The following NFXL1 variants were observed in gnomAD, a reference collection of about 807,000 sequenced individuals.
The protein encoded by NFXL1 is nuclear transcription factor, X-box binding like 1.
NFXL1 carries 66 observed loss-of-function variants against 123.3 expected under a neutral mutation model. The observed-to-expected ratio is 0.54, with a 90% CI of 0.44 to 0.66. The LOEUF is 0.66. NFXL1 is among the 30% of genes least tolerant of loss of function. The pLI is 0.00. For missense variants in NFXL1, 944 were observed against 1,125.6 expected, an observed-to-expected ratio of 0.84 and a Z score of 2.31; for synonymous variants, 346 against 360.8, an observed-to-expected ratio of 0.96 and a Z score of 0.46.
intron 18 of NFXL1, among the ~76,000 whole-genome samples, chr4:47,865,996 C>G (rs1299798093): frequency 1.3e-5 from 2 of 151,576 alleles, no homozygotes; most frequent in Non-Finnish European, 2.9e-5. Flanking sequence ...GTCTGGGAGA[C>G]AGAGAGACAC....
chr4:47,900,306 T>C (rs1737305228), intron 5 of NFXL1, among the ~76,000 whole-genome samples: 2 of 152,156 alleles, frequency 1.3e-5, no homozygotes, highest in Admixed American at 6.5e-5. Flanking sequence ...GCCTCCTAGG[T>C]ACAAGAAATT....
At chr4:47,860,000 G>T (rs1411241735) in intron 19 of NFXL1, among the ~76,000 whole-genome samples, 1 of 151,946 alleles carries the variant, frequency 6.6e-6, no homozygotes, top group East Asian at 1.9e-4. Flanking sequence ...GGGATTGGGG[G>T]GATGTTAGTC....
intron 18 of NFXL1, among the ~76,000 whole-genome samples, chr4:47,867,905 A>T (rs1384413543): frequency 6.6e-6 from 1 of 152,250 alleles, no homozygotes; most frequent in Non-Finnish European, 1.5e-5. Context: ...CATTCAGGGA[A>T]TACTATACTC....
intron 15 of NFXL1, among the ~76,000 whole-genome samples, chr4:47,880,863 G>A (rs1260643175): frequency 1.4e-5 from 2 of 146,024 alleles, no homozygotes; most frequent in South Asian, 4.4e-4. Flanking sequence ...AACACTGCAT[G>A]TTAAATTAAA....
At chr4:47,898,108 T>C (rs368909052) in intron 8 of NFXL1, 27 bp from the exon 9 acceptor site, 21 of 1,407,428 alleles carry the variant, frequency 1.5e-5, no homozygotes, top group Non-Finnish European at 2.1e-5. Context: ...TAAACACTAA[T>C]GAAGGATTTA....
chr4:47,898,151 C>A, intron 8 of NFXL1, 70 bp from the exon 9 acceptor site: 1 of 889,778 alleles, frequency 1.1e-6, no homozygotes, highest in Admixed American at 2.8e-5. Context: ...ATACAAGACA[C>A]AATCCATTTT....
At chr4:47,860,164 C>CA (rs1247584281) in intron 19 of NFXL1, among the ~76,000 whole-genome samples, 23 of 152,078 alleles carry the variant, frequency 1.5e-4, no homozygotes, top group African/African-American at 5.1e-4. Flanking sequence ...TATATTAACT[C>CA]AACTTAGTCA....
rs527668064 is a variant in NFXL1 at position 47,850,392 on chromosome 4, C to T, written c.2562+703G>A. Among the ~76,000 whole-genome samples the T allele has an allele frequency of 2.3e-4, 35 of 152,172 alleles. No homozygotes were observed. The South Asian group carries it at 7.3e-3, about 32-fold the overall frequency. ...TCATGCAAATCACGCAAGTTTCAAT[C>T]TCATCATTCATAAAGGCAGTAGCTT... On this transcript the variant is annotated intron_variant, in intron 22 of 22. Transcript: ENST00000507489.
At chr4:47,861,904 A>G (rs181407077) in intron 19 of NFXL1, among the ~76,000 whole-genome samples, 4 of 152,362 alleles carry the variant, frequency 2.6e-5, no homozygotes, top group African/African-American at 7.2e-5. Context: ...AAGACTGATT[A>G]TGATATTTAA....
intron 8 of NFXL1, among the ~76,000 whole-genome samples, 161 bp from the exon 9 acceptor site, chr4:47,898,242 TATAG>T (rs998194868): frequency 1.3e-5 from 2 of 152,172 alleles, no homozygotes; most frequent in Non-Finnish European, 2.9e-5. Context: ...CATATGTATA[TATAG>T]ATACATATAT....
Position 47,884,410 on chromosome 4 carries a change from G to A in NFXL1, c.1852C>T (p.Pro618Ser). ...RHQPTGPWEQ[P>S]SEPAFIQTAL... The stretch of plus-strand genomic sequence containing the variant: ...GTCTGAATAAATGCTGGCTCAGAAG[G>A]CTGTTCCCAAGGGCCTGTAGGCTGG... Residue 618 changes from proline to serine, a missense_variant, in exon 15 of 23, where the codon CCT becomes TCT. This residue lies in a region of NFXL1 where 44 missense variants were observed against 90.4 expected (regional missense o/e 0.49). Transcript: ENST00000507489. 6.2e-7 allele frequency: 1 copy of A among 1,611,322 alleles called. No homozygotes were observed. The highest frequency in any genetic ancestry group is 8.5e-7 in the Non-Finnish European group (1 of 1,177,820).
chr4:47,899,431 T>C lies in NFXL1; in HGVS notation c.765A>G (p.Gln255=). 1 of 1,614,000 alleles carries C rather than the reference T, an allele frequency of 6.2e-7. No individual in the cohort carries two copies. The highest frequency in any genetic ancestry group is 8.5e-7 in the Non-Finnish European group (1 of 1,179,890). ...GAGGTTTAAATTCACGCTCACATAC[T>C]TGGCCACATGAATGAGGCACAAGCC... is the stretch of plus-strand genomic sequence containing the variant. ...DPWLVPHSCG[Q]VCEREFKPPC... Residue 255 remains glutamine (Q), a synonymous_variant, in exon 6 of 23, where the codon CAA becomes CAG. Coordinates refer to ENST00000507489, the MANE Select transcript of NFXL1 (RefSeq NM_001278624.2).
At chr4:47,873,576 G>C (rs1735571344) in intron 18 of NFXL1, among the ~76,000 whole-genome samples, 2 of 152,152 alleles carry the variant, frequency 1.3e-5, no homozygotes, top group Admixed American at 6.5e-5. Flanking sequence ...TGATCAGTAG[G>C]TCTCAACAGT....
intron 5 of NFXL1, among the ~76,000 whole-genome samples, chr4:47,899,772 C>T (rs1737281574): frequency 6.6e-6 from 1 of 152,232 alleles, no homozygotes; most frequent in Non-Finnish European, 1.5e-5. Context: ...CAGTTTTATA[C>T]TGGGATTGTC....
At chr4:47,890,756 T>C in intron 11 of NFXL1, 53 bp from the exon 12 acceptor site, 12 of 969,996 alleles carry the variant, frequency 1.2e-5, no homozygotes, top group South Asian at 6.7e-5. Context: ...CCATGAATAA[T>C]AGGCATGTCA....
intron 18 of NFXL1, among the ~76,000 whole-genome samples, chr4:47,865,595 G>A (rs1735013851): frequency 6.6e-6 from 1 of 151,764 alleles, no homozygotes; most frequent in South Asian, 2.1e-4. Flanking sequence ...AAACAGAAGA[G>A]GAGGCTGAGC....
chr4:47,853,152 T>C (rs1734219862), intron 20 of NFXL1, among the ~76,000 whole-genome samples: 1 of 152,052 alleles, frequency 6.6e-6, no homozygotes, highest in African/African-American at 2.4e-5. Flanking sequence ...CTTTTCTCAT[T>C]CAGAGGATAC....
intron 3 of NFXL1, among the ~76,000 whole-genome samples, chr4:47,910,482 C>G (rs1026365849): frequency 3.3e-5 from 5 of 152,138 alleles, no homozygotes; most frequent in African/African-American, 1.2e-4. Flanking sequence ...ACAAAGTACT[C>G]TAGTTCAATC....
intron 17 of NFXL1, chr4:47,877,333 T>C (rs138072362): frequency 1.7e-5 from 6 of 353,314 alleles, no homozygotes; most frequent in Non-Finnish European, 3.4e-5. Flanking sequence ...AAGACTATCT[T>C]AGTTAAGAAA....
Sources: gnomAD v4.1 joint callset for allele counts (sites outside exome capture counted in the v4.1 genomes callset) on GRCh38, gnomAD v4.1.1 for gene constraint, gnomAD v4.1.1 regional missense constraint, MANE v1.5 for transcripts, NCBI Gene and HGNC (gene_info 2026-07-23, HGNC 2026-07-21) for gene names.